Variants in P2RX7 observed in about 807,000 individuals in gnomAD.
P2RX7 encodes P2X purinoceptor 7.
In P2RX7, 62 loss-of-function variants were observed where a neutral mutation model predicts 71.6. The observed-to-expected ratio is 0.87, with a 90% confidence interval of 0.71 to 1.07. The LOEUF is 1.07. Ranked by LOEUF, P2RX7 falls within the 50% of genes least tolerant of loss-of-function variation. The pLI is 0.00. For missense variants in P2RX7, 686 were observed against 748.5 expected (o/e 0.92, Z 0.97); for synonymous variants, 299 against 283.3 (o/e 1.06, Z -0.56).
chr12:121,139,631 G>T (rs1042574583), intron 1 of P2RX7, among the ~76,000 whole-genome samples: 4 of 152,118 alleles, frequency 2.6e-5, no homozygotes, highest in African/African-American at 9.7e-5. Flanking sequence ...GCCTCCTCCA[G>T]CTGAGTAGAA....
At chr12:121,166,512 G>A (rs1363013744) in intron 7 of P2RX7, among the ~76,000 whole-genome samples, 1 of 152,132 alleles carries the variant, frequency 6.6e-6, no homozygotes, top group Non-Finnish European at 1.5e-5. Flanking sequence ...AGCCAGGGCA[G>A]TGCTCCCTCC....
At chr12:121,163,640 GATA>G (rs1880377815) in intron 5 of P2RX7, among the ~76,000 whole-genome samples, 1 of 118,800 alleles carries the variant, frequency 8.4e-6, no homozygotes, top group African/African-American at 3.1e-5. Context: ...TAGATAGATA[GATA>G]GATAGAGTTT....
At chr12:121,164,408 T>A (rs569508731) in intron 5 of P2RX7, among the ~76,000 whole-genome samples, 2 of 152,324 alleles carry the variant, frequency 1.3e-5, no homozygotes, top group Admixed American at 1.3e-4. Context: ...CCACTGTACA[T>A]ACCTGAATGT....
chr12:121,138,124 T>G (rs760003559), intron 1 of P2RX7, among the ~76,000 whole-genome samples: 1 of 152,194 alleles, frequency 6.6e-6, no homozygotes, highest in Non-Finnish European at 1.5e-5. Context: ...CCAACTTGCG[T>G]TAACCACAAA....
At chr12:121,160,761 C>A in intron 3 of P2RX7, 141 bp from the exon 4 acceptor site, 2 of 736,382 alleles carry the variant, frequency 2.7e-6, no homozygotes, top group East Asian at 2.5e-5. Flanking sequence ...TGGCCACTTG[C>A]GTGGTTTCCA....
intron 1 of P2RX7, among the ~76,000 whole-genome samples, chr12:121,133,768 C>T (rs569392872): frequency 1.3e-5 from 2 of 152,316 alleles, no homozygotes; most frequent in South Asian, 2.1e-4. Context: ...TTCCTTTCTG[C>T]CTCTATGGAT....
chr12:121,148,587 C>A (rs1313659800), intron 1 of P2RX7, among the ~76,000 whole-genome samples: 1 of 151,964 alleles, frequency 6.6e-6, no homozygotes, highest in Non-Finnish European at 1.5e-5. Context: ...GGAGTCTGAC[C>A]CCCAAAACTG....
In P2RX7 at chr12:121,155,857, G is replaced by A. The variant is rs530093115; in HGVS notation, c.295-222G>A. Reference sequence around the variant, plus strand: ...TGCTTTTGAGACTGCATTGGTAAATGACTCTTCAACCCATTCAAACGCTCC... The same window carrying A: ...TGCTTTTGAGACTGCATTGGTAAATAACTCTTCAACCCATTCAAACGCTCC... On this transcript the variant is annotated intron_variant, in intron 2 of 12. Coordinates refer to ENST00000328963, the MANE Select transcript of P2RX7 (RefSeq NM_002562.6). Among the ~76,000 whole-genome samples, 14 of 152,196 alleles carry A rather than the reference G, an allele frequency of 9.2e-5. No individual in the cohort carries two copies. The East Asian group carries it at 2.7e-3, about 29-fold the overall frequency.
chr12:121,141,885 A>G (rs1464398144), intron 1 of P2RX7, among the ~76,000 whole-genome samples: 1 of 152,150 alleles, frequency 6.6e-6, no homozygotes, highest in Non-Finnish European at 1.5e-5. Flanking sequence ...TCACAGCTGA[A>G]TGTCCCAGTT....
chr12:121,153,898 T>C (rs145111168), intron 1 of P2RX7, among the ~76,000 whole-genome samples: 7 of 152,110 alleles, frequency 4.6e-5, no homozygotes, highest in African/African-American at 1.7e-4. Context: ...GGCAGGAGGA[T>C]TGCTTGAGGC....
chr12:121,143,498 G>A lies in P2RX7; in HGVS notation c.125+10403G>A, dbSNP rs566882619. ...GATCCTGGGAGGTTGAGGCTGCAGT[G>A]AGCTGTGTTTGTGCCACTGCACTCC... is the stretch of plus-strand genomic sequence containing the variant. On this transcript the variant is annotated intron_variant, in intron 1 of 12. Transcript: ENST00000328963. 7.2e-4 allele frequency among the ~76,000 whole-genome samples: 109 copies of A among 151,956 alleles called. 1 individual carries two copies. The highest frequency in any genetic ancestry group is 2.6e-3 in the African/African-American group (106 of 41,434).
intron 2 of P2RX7, chr12:121,155,262 A>G (rs1267782267): frequency 7.4e-7 from 1 of 1,347,410 alleles, no homozygotes; most frequent in East Asian, 4.4e-5. Context: ...CCACCAAGCC[A>G]GCAAGGTCTG....
At chr12:121,156,262 T>C in intron 3 of P2RX7, 115 bp downstream of exon 3, 3 of 786,582 alleles carry the variant, frequency 3.8e-6, no homozygotes, top group Non-Finnish European at 6.6e-6. Flanking sequence ...AGATATCTAC[T>C]GAGCACCTGC....
At chr12:121,155,173 T>C (rs1878312934) in intron 2 of P2RX7, 1 of 1,490,482 alleles carries the variant, frequency 6.7e-7, no homozygotes, top group Non-Finnish European at 8.9e-7. Flanking sequence ...TTTCTCAAAA[T>C]AGCCTCATGT....
At chr12:121,173,971 C>T (rs764484736) in intron 8 of P2RX7, among the ~76,000 whole-genome samples, 11 of 151,960 alleles carry the variant, frequency 7.2e-5, no homozygotes, top group Non-Finnish European at 1.6e-4. Context: ...CACTGCACTC[C>T]AGCCTGGTTG....
rs56222751 is a variant in P2RX7, at chr12:121,176,228, AACACAC to A, written c.972+787_972+792del. ...GAGAGGCCAACACCCCAGCCCCTTCAACACACACACACACACACACACACACACACA... is the reference window on the plus strand; with the variant it reads ...GAGAGGCCAACACCCCAGCCCCTTCAACACACACACACACACACACACACA... On this transcript the variant is annotated intron_variant, in intron 9 of 12. Transcript: ENST00000328963. 6.3e-3 allele frequency among the ~76,000 whole-genome samples: 888 copies of A among 140,716 alleles called. 5 individuals carry two copies. Among genetic ancestry groups the A allele is most frequent in the African/African-American group, 8.9e-3 (335 of 37,708 alleles). The allele number at this position is 140,716 out of a possible 152,430, so 92.3% of individuals were successfully genotyped here.
At chr12:121,153,950 G>A (rs1015034650) in intron 1 of P2RX7, among the ~76,000 whole-genome samples, 3 of 151,862 alleles carry the variant, frequency 2.0e-5, no homozygotes, top group Non-Finnish European at 4.4e-5. Flanking sequence ...AGAGACCCCC[G>A]TCTCTATAAA....
chr12:121,134,495 G>T (rs577846834), intron 1 of P2RX7, among the ~76,000 whole-genome samples: 5 of 152,240 alleles, frequency 3.3e-5, no homozygotes, highest in African/African-American at 1.2e-4. Flanking sequence ...CGGTTCAAGC[G>T]ATTCTCCTGC....
At chr12:121,156,511 GAGAAAAATGGCATTTTACAAACC>G (rs1230091788) in intron 3 of P2RX7, among the ~76,000 whole-genome samples, 1 of 152,198 alleles carries the variant, frequency 6.6e-6, no homozygotes, top group Non-Finnish European at 1.5e-5. Context: ...ATGACTTTAG[GAGAAAAATGGCATTTTACAAACC>G]AGAACACAGA....
Sources: allele counts gnomAD v4.1 joint callset (sites outside exome capture counted in the v4.1 genomes callset), GRCh38; gene constraint gnomAD v4.1.1; transcripts MANE v1.5; gene names NCBI Gene and HGNC (gene_info 2026-07-23, HGNC 2026-07-21).